The following CNTN6 variants were observed in gnomAD, a reference collection of about 807,000 sequenced individuals.
CNTN6 encodes the protein contactin-6.
A neutral mutation model predicts 122.8 loss-of-function variants in CNTN6; 137 were observed. That is an observed-to-expected ratio of 1.12 (90% confidence interval 0.97 to 1.29). The LOEUF (loss-of-function observed/expected upper bound fraction) is 1.29, where lower values mean the gene tolerates loss of function less well. Ranked by LOEUF, CNTN6 falls within the 50% of genes most tolerant of loss-of-function variation. The pLI is 0.00. For synonymous variants in CNTN6, 570 were observed against 426.0 expected, an observed-to-expected ratio of 1.34 and a Z score of -4.16; for missense variants, 1,634 against 1,223.4, an observed-to-expected ratio of 1.34 and a Z score of -5.01.
At chr3:1,143,939 A>G (rs530670754) in intron 1 of CNTN6, among the ~76,000 whole-genome samples, 19 of 152,212 alleles carry the variant, frequency 1.2e-4, no homozygotes, top group African/African-American at 4.1e-4. Flanking sequence ...CTGACAATCA[A>G]TGTGATTGTA....
At chr3:1,095,081 A>G (rs113492441) in intron 1 of CNTN6, among the ~76,000 whole-genome samples, 1 of 152,032 alleles carries the variant, frequency 6.6e-6, no homozygotes, top group Non-Finnish European at 1.5e-5. Context: ...GTTTCTTACT[A>G]TACACCTTTT....
chr3:1,223,503 A>C (rs567477342), intron 3 of CNTN6, among the ~76,000 whole-genome samples: 2 of 152,332 alleles, frequency 1.3e-5, no homozygotes, highest in African/African-American at 4.8e-5. Context: ...TGAGAATATG[A>C]AGTCCAGCCC....
intron 4 of CNTN6, among the ~76,000 whole-genome samples, chr3:1,248,467 A>G (rs1196463491): frequency 3.9e-5 from 6 of 152,214 alleles, no homozygotes; most frequent in Non-Finnish European, 8.8e-5. Context: ...AATAGAAGCT[A>G]CTATTATAAT....
In CNTN6 at chr3:1,386,307, C is replaced by CTACAACTGTCAGACACCTAGATCTTTCCT. The variant is rs1461003642; in HGVS notation, c.2704+512_2704+540dup. On this transcript the variant is annotated intron_variant, in intron 20 of 22. Coordinates refer to ENST00000446702, the MANE Select transcript of CNTN6 (RefSeq NM_001289080.2). Reference sequence around the variant, plus strand: ...AGTCCGAGTATATTCACATGTGATCCTACAACTGTCAGACACCTAGATCTT... The same window carrying CTACAACTGTCAGACACCTAGATCTTTCCT: ...AGTCCGAGTATATTCACATGTGATCCTACAACTGTCAGACACCTAGATCTTTCCTTACAACTGTCAGACACCTAGATCTT... Among the ~76,000 whole-genome samples the CTACAACTGTCAGACACCTAGATCTTTCCT allele has an allele frequency of 4.6e-5, 7 of 152,176 alleles. No homozygotes were observed. In the East Asian group the frequency reaches 1.2e-3, roughly 25 times the overall value.
chr3:1,351,553 G>T lies in CNTN6; in HGVS notation c.1365-771G>T, dbSNP rs892423748. On this transcript the variant is annotated intron_variant, in intron 11 of 22. Coordinates refer to ENST00000446702, the MANE Select transcript of CNTN6 (RefSeq NM_001289080.2). ...AATTTTTCAGGGAACAAATCTCAGG[G>T]TTTTTTTTTTTTTTCTGATTTCAGT... Among the ~76,000 whole-genome samples the T allele has an allele frequency of 1.0e-4, 14 of 138,556 alleles. No individual in the cohort carries two copies. The East Asian group carries it at 1.2e-3, about 12-fold the overall frequency. The allele number at this position is 138,556 out of a possible 152,430, so 90.9% of individuals were successfully genotyped here. A position where few individuals can be genotyped will look rare whatever the true frequency, so the allele number is the denominator to read the frequency against.
chr3:1,244,851 A>T (rs559163861), intron 4 of CNTN6, among the ~76,000 whole-genome samples: 1 of 150,494 alleles, frequency 6.6e-6, no homozygotes, highest in Admixed American at 6.7e-5. Context: ...AAGGGTGGGG[A>T]GAATTACAAA....
intron 2 of CNTN6, among the ~76,000 whole-genome samples, chr3:1,188,902 C>T (rs2093663464): frequency 6.6e-6 from 1 of 152,106 alleles, no homozygotes; most frequent in Non-Finnish European, 1.5e-5. Flanking sequence ...TTTCTGTACA[C>T]ATGTGTGATT....
intron 2 of CNTN6, among the ~76,000 whole-genome samples, chr3:1,155,423 T>C (rs1483515958): frequency 6.6e-6 from 1 of 152,232 alleles, no homozygotes; most frequent in East Asian, 1.9e-4. Context: ...CTGGTTCTTG[T>C]TAGAATCTAC....
chr3:1,403,242 T>C (rs1695957783), intron 22 of CNTN6, 76 bp from the exon 23 acceptor site: 6 of 818,664 alleles, frequency 7.3e-6, no homozygotes, highest in South Asian at 6.4e-5. Flanking sequence ...TAGTATGAAA[T>C]TGGGGTTTTG....
chr3:1,346,793 A>C (rs545186075), intron 11 of CNTN6, among the ~76,000 whole-genome samples: 1 of 152,268 alleles, frequency 6.6e-6, no homozygotes, highest in Admixed American at 6.5e-5. Flanking sequence ...AAGTAACACA[A>C]AATCTGATGC....
At chr3:1,287,023 A>C (rs1291732203) in intron 5 of CNTN6, among the ~76,000 whole-genome samples, 4 of 152,312 alleles carry the variant, frequency 2.6e-5, no homozygotes, top group South Asian at 2.1e-4. Flanking sequence ...AGAGCTAACT[A>C]TCCTAAATAT....
At chr3:1,236,306 G>A (rs1189829434) in intron 4 of CNTN6, among the ~76,000 whole-genome samples, 3 of 152,024 alleles carry the variant, frequency 2.0e-5, no homozygotes, top group African/African-American at 4.8e-5. Flanking sequence ...AAACAAAAAC[G>A]CAACCAAGGA....
chr3:1,281,302 T>C (rs540491656), intron 5 of CNTN6, among the ~76,000 whole-genome samples: 1 of 152,264 alleles, frequency 6.6e-6, no homozygotes, highest in Admixed American at 6.5e-5. Context: ...AGAAACGTCC[T>C]AGAAATATAT....
At chr3:1,168,168 A>AAAG (rs2093293883) in intron 2 of CNTN6, among the ~76,000 whole-genome samples, 1 of 151,998 alleles carries the variant, frequency 6.6e-6, no homozygotes, top group African/African-American at 2.4e-5. Context: ...TCGGCCTCCC[A>AAAG]AAGTGCTGGG....
At chr3:1,381,381 T>C (rs1691857680) in intron 17 of CNTN6, among the ~76,000 whole-genome samples, 1 of 152,206 alleles carries the variant, frequency 6.6e-6, no homozygotes, top group African/African-American at 2.4e-5. Context: ...TCACTTTCTG[T>C]ATTTGTTAGA....
At chr3:1,250,622 C>T (rs2094649842) in intron 4 of CNTN6, among the ~76,000 whole-genome samples, 1 of 152,164 alleles carries the variant, frequency 6.6e-6, no homozygotes, top group African/African-American at 2.4e-5. Flanking sequence ...ATTGCCCAAA[C>T]CTTCATCTAC....
At chr3:1,105,823 T>C (rs1265388924) in intron 1 of CNTN6, among the ~76,000 whole-genome samples, 2 of 152,178 alleles carry the variant, frequency 1.3e-5, no homozygotes, top group Non-Finnish European at 2.9e-5. Context: ...GCTTAATGAA[T>C]GTAGATTCTA....
intron 2 of CNTN6, among the ~76,000 whole-genome samples, chr3:1,217,664 T>C (rs2094146564): frequency 6.6e-6 from 1 of 152,188 alleles, no homozygotes; most frequent in African/African-American, 2.4e-5. Context: ...ACAGTTTTAG[T>C]CCTTTAAAAG....
chr3:1,125,564 T>G (rs2092130768), intron 1 of CNTN6, among the ~76,000 whole-genome samples: 1 of 151,744 alleles, frequency 6.6e-6, no homozygotes, highest in Non-Finnish European at 1.5e-5. Context: ...AGAATAAAAA[T>G]GACTACTAAC....
Sources: gnomAD v4.1 joint callset for allele counts (sites outside exome capture counted in the v4.1 genomes callset) on GRCh38, gnomAD v4.1.1 for gene constraint, MANE v1.5 for transcripts, NCBI Gene and HGNC (gene_info 2026-07-23, HGNC 2026-07-21) for gene names.